The following CMYA5 variants were observed in gnomAD, a reference collection of about 807,000 sequenced individuals.
CMYA5 encodes cardiomyopathy-associated protein 5.
Under a neutral mutation model 318.9 loss-of-function variants are expected in CMYA5, and 246 were observed. The observed-to-expected ratio is 0.77, with a 90% CI of 0.70 to 0.86. CMYA5 has a LOEUF of 0.86. CMYA5 is among the 40% of genes least tolerant of loss of function. The pLI, the probability that CMYA5 is intolerant of heterozygous loss-of-function variation, is 0.00. For missense variants in CMYA5, 4,589 were observed against 4,678.2 expected (o/e 0.98, Z 0.56); for synonymous variants, 1,641 against 1,729.5 (o/e 0.95, Z 1.27).
chr5:79,717,234 A>G (rs1246913399), intron 1 of CMYA5, among the ~76,000 whole-genome samples: 1 of 152,246 alleles, frequency 6.6e-6, no homozygotes, highest in Non-Finnish European at 1.5e-5. Context: ...CTGATGAAAT[A>G]TGAGTACAAA....
chr5:79,710,803 G>GT (rs1227888353), intron 1 of CMYA5, among the ~76,000 whole-genome samples: 1 of 152,118 alleles, frequency 6.6e-6, no homozygotes, highest in African/African-American at 2.4e-5. Flanking sequence ...CTGTATTATG[G>GT]TTTTTAAAAC....
intron 1 of CMYA5, among the ~76,000 whole-genome samples, chr5:79,709,888 G>A (rs1299472338): frequency 6.9e-6 from 1 of 145,968 alleles, no homozygotes; most frequent in African/African-American, 2.6e-5. Context: ...TTGAACCCGG[G>A]AGGCGGAGGC....
chr5:79,779,168 G>GT (rs1449008666), intron 9 of CMYA5, among the ~76,000 whole-genome samples: 2 of 21,422 alleles, frequency 9.3e-5, no homozygotes, highest in African/African-American at 6.4e-4. Flanking sequence ...GCGGTGTTTG[G>GT]TTTTTTGTTC....
intron 9 of CMYA5, among the ~76,000 whole-genome samples, chr5:79,778,290 A>G (rs1187921489): frequency 6.6e-6 from 1 of 152,198 alleles, no homozygotes; most frequent in Non-Finnish European, 1.5e-5. Flanking sequence ...AAGTGGAATA[A>G]CTGGTTAAAA....
chr5:79,799,414 C>G lies in CMYA5; in HGVS notation c.12008C>G (p.Thr4003Ser). 6.2e-7 allele frequency: 1 copy of G among 1,613,662 alleles called. No homozygotes were observed. Among genetic ancestry groups the G allele is most frequent in the Non-Finnish European group, 8.5e-7 (1 of 1,179,584 alleles). The change falls in exon 13 of 13, where the codon ACT becomes AGT. Residue 4003 changes from threonine (T) to serine (S), a missense_variant. Transcript: ENST00000446378. The stretch of plus-strand genomic sequence containing the variant: ...GGTATTGTGAGTGATGTTCATGTGA[C>G]TGAGCGTCCAGCCAGAGTGGGCATC... ...YSGIVSDVHV[T>S]ERPARVGILL...
At chr5:79,709,960 CAAAA>C (rs61657639) in intron 1 of CMYA5, among the ~76,000 whole-genome samples, 7 of 24,320 alleles carry the variant, frequency 2.9e-4, no homozygotes, top group African/African-American at 9.1e-4. Flanking sequence ...GACTCCATCT[CAAAA>C]AAAAAAAAAA....
Position 79,731,325 on chromosome 5 carries a change from C to T in CMYA5, c.2560C>T (p.His854Tyr). The change falls in exon 2 of 13, where the codon CAC (histidine) becomes TAC (tyrosine). Residue 854 changes from histidine to tyrosine, a missense_variant. By Grantham distance (83) the His-to-Tyr change is moderately conservative (BLOSUM62 2). Around this residue, in one of 3 missense-constraint regions of CMYA5, gnomAD observed 2,132 missense variants for 2,131.3 expected, o/e 1.00. Transcript: ENST00000446378. ...SSPDLVVASE[H>Y]SFPPHTTEMT... ...CCCAGATTTGGTTGTTGCATCTGAA[C>T]ACTCTTTCCCACCACACACAACCGA... 1 of 1,613,960 alleles carries T rather than the reference C, an allele frequency of 6.2e-7. No homozygotes were observed. The highest frequency in any genetic ancestry group is 8.5e-7 in the Non-Finnish European group (1 of 1,179,880).
intron 1 of CMYA5, among the ~76,000 whole-genome samples, chr5:79,704,808 T>C (rs897378148): frequency 2.0e-5 from 3 of 152,160 alleles, no homozygotes; most frequent in African/African-American, 7.2e-5. Flanking sequence ...CTGATGGTTT[T>C]CCTGTTTCCC....
Position 79,737,787 on chromosome 5 carries a change from T to A in CMYA5, c.9022T>A (p.Leu3008Ile). 6.2e-7 allele frequency: 1 copy of A among 1,610,858 alleles called. No homozygotes were observed. The highest frequency in any genetic ancestry group is 8.5e-7 in the Non-Finnish European group (1 of 1,179,148). Residue 3008 changes from leucine (L) to isoleucine (I), a missense_variant, in exon 2 of 13, where the codon TTA becomes ATA. Leu to Ile is a conservative substitution (Grantham distance 5). This residue lies in a region of CMYA5 where 2,431 missense variants were observed against 2,495.1 expected (regional missense o/e 0.97). Coordinates refer to ENST00000446378, the MANE Select transcript of CMYA5 (RefSeq NM_153610.5). ...VACHKTLKSRLEDEKVTPLKE... is the reference protein window; with the variant it reads ...VACHKTLKSRIEDEKVTPLKE... ...TTGTCATAAAACATTAAAGAGCAGG[T>A]TAGAAGATGAAAAAGTTACCCCATT... is the stretch of plus-strand genomic sequence containing the variant.
chr5:79,754,159 C>T (rs148667824), intron 6 of CMYA5, among the ~76,000 whole-genome samples: 15 of 152,312 alleles, frequency 9.8e-5, no homozygotes, highest in Non-Finnish European at 1.8e-4. Context: ...GTCTGTTTCA[C>T]AAAATTGGAG....
chr5:79,761,673 G>A (rs1313229560), intron 7 of CMYA5, 138 bp from the exon 8 acceptor site: 11 of 827,902 alleles, frequency 1.3e-5, no homozygotes, highest in Non-Finnish European at 2.0e-5. Context: ...TAAGGAGCTG[G>A]TTTTCACATA....
At chr5:79,748,524 T>TCTATCTATCTATCTATCTAC (rs1561218132) in intron 5 of CMYA5, among the ~76,000 whole-genome samples, 7 of 39,230 alleles carry the variant, frequency 1.8e-4, no homozygotes, top group African/African-American at 1.3e-3. Flanking sequence ...TATCTACCTA[T>TCTATCTATCTATCTATCTAC]CTATCTATCT....
intron 3 of CMYA5, among the ~76,000 whole-genome samples, chr5:79,744,144 G>C (rs1440978712): frequency 6.6e-6 from 1 of 152,194 alleles, no homozygotes; most frequent in African/African-American, 2.4e-5. Context: ...GGTAACGACA[G>C]ACATGCATTT....
chr5:79,772,350 G>A lies in CMYA5; in HGVS notation c.11555+9141G>A, dbSNP rs553557069. ...TAGTCCAGCAAATTTAGAAATAAAGGGAAGTTGCACATGCGAAGCCCTGTT... is the reference window on the plus strand; with the variant it reads ...TAGTCCAGCAAATTTAGAAATAAAGAGAAGTTGCACATGCGAAGCCCTGTT... On this transcript the variant is annotated intron_variant, in intron 9 of 12. Transcript: ENST00000446378. Among the ~76,000 whole-genome samples, 3 of 152,278 alleles carry A rather than the reference G, an allele frequency of 2.0e-5. No homozygotes were observed. The South Asian group carries it at 6.2e-4, about 32-fold the overall frequency.
At chr5:79,793,274 G>A (rs1829209863) in intron 11 of CMYA5, among the ~76,000 whole-genome samples, 163 bp from the exon 12 acceptor site, 1 of 152,166 alleles carries the variant, frequency 6.6e-6, no homozygotes, top group Admixed American at 6.5e-5. Context: ...TGGTGATCTG[G>A]TTAAGGTTAG....
rs1399472122 is a variant in CMYA5 at position 79,793,471 on chromosome 5, T to C, written c.11824T>C (p.Cys3942Arg). 7 of 1,613,668 alleles carry C rather than the reference T, an allele frequency of 4.3e-6. No individual in the cohort carries two copies. The highest frequency in any genetic ancestry group is 3.3e-5 in the Admixed American group (2 of 60,026). Residue 3942 changes from cysteine to arginine, a missense_variant, in exon 12 of 13, where the codon TGT becomes CGT. Physicochemically the swap from Cys to Arg is radical, Grantham distance 180. Coordinates refer to ENST00000446378, the MANE Select transcript of CMYA5 (RefSeq NM_153610.5). ...AGTGCTGGGTGAGGAGCTGCCTTCC[T>C]GTGGCCAGCATTACTGGGAAACCAC... Reference protein sequence around the residue: ...PSVLGEELPSCGQHYWETTVT... With the variant: ...PSVLGEELPSRGQHYWETTVT...
intron 9 of CMYA5, among the ~76,000 whole-genome samples, chr5:79,778,679 C>A (rs1323248489): frequency 6.6e-6 from 1 of 151,142 alleles, no homozygotes; most frequent in African/African-American, 2.4e-5. Context: ...AGTTTCAAAT[C>A]TTTAAAAATT....
At chr5:79,703,989 G>A (rs1011748098) in intron 1 of CMYA5, among the ~76,000 whole-genome samples, 1 of 152,070 alleles carries the variant, frequency 6.6e-6, no homozygotes, top group Admixed American at 6.6e-5. Flanking sequence ...CTACTTGGGA[G>A]GCTGAGGTGG....
intron 9 of CMYA5, among the ~76,000 whole-genome samples, chr5:79,773,713 T>C (rs951840621): frequency 6.6e-6 from 1 of 152,156 alleles, no homozygotes; most frequent in Non-Finnish European, 1.5e-5. Flanking sequence ...AATGAATGAA[T>C]GAATGAATGA....
Sources: gnomAD v4.1 joint callset for allele counts (sites outside exome capture counted in the v4.1 genomes callset) on GRCh38, gnomAD v4.1.1 for gene constraint, gnomAD v4.1.1 regional missense constraint, MANE v1.5 for transcripts, NCBI Gene and HGNC (gene_info 2026-07-23, HGNC 2026-07-21) for gene names.